CNTNAP2: variants seen among roughly 807,000 people sequenced by gnomAD.
CNTNAP2 encodes the protein contactin associated protein 2.
CNTNAP2 carries 98 observed loss-of-function variants against 155.2 expected under a neutral mutation model. That is an observed-to-expected ratio of 0.63 (90% CI 0.54 to 0.75). CNTNAP2 has a LOEUF of 0.75. CNTNAP2 is among the 30% of genes least tolerant of loss of function. The pLI, the probability that CNTNAP2 is intolerant of heterozygous loss-of-function variation, is 0.00. For missense variants in CNTNAP2, 1,727 were observed against 1,688.1 expected, an observed-to-expected ratio of 1.02 and a Z score of -0.40; for synonymous variants, 651 against 631.2, an observed-to-expected ratio of 1.03 and a Z score of -0.47.
intron 1 of CNTNAP2, among the ~76,000 whole-genome samples, chr7:146,181,529 A>T (rs545390442): frequency 6.6e-6 from 1 of 152,148 alleles, no homozygotes; most frequent in African/African-American, 2.4e-5. Flanking sequence ...GTGCCACTTG[A>T]TAATACATTT....
chr7:147,473,563 T>C (rs1432769698), intron 10 of CNTNAP2, among the ~76,000 whole-genome samples: 1 of 152,038 alleles, frequency 6.6e-6, no homozygotes, highest in Non-Finnish European at 1.5e-5. Flanking sequence ...ATACCTTTGG[T>C]TTAATTTATT....
intron 8 of CNTNAP2, among the ~76,000 whole-genome samples, chr7:147,164,015 T>C (rs1313433023): frequency 2.0e-5 from 3 of 152,220 alleles, no homozygotes; most frequent in African/African-American, 7.2e-5. Flanking sequence ...ATATTGACTT[T>C]TTTGGTAGCA....
rs559660743 is a variant in CNTNAP2 at position 147,311,016 on chromosome 7, T to C, written c.1498+10726T>C. Among the ~76,000 whole-genome samples the C allele has an allele frequency of 1.3e-3, 200 of 152,206 alleles. 1 individual carries two copies. The highest frequency in any genetic ancestry group is 2.6e-3 in the Admixed American group (40 of 15,282). On this transcript the variant is annotated intron_variant, in intron 9 of 23. Transcript: ENST00000361727. The stretch of plus-strand genomic sequence containing the variant: ...AACAGGCTAGAGTGATCAGACATCA[T>C]CTGTGGGGTGGTGCAGGAGGAACGT...
chr7:146,135,576 A>G (rs1037046730), intron 1 of CNTNAP2, among the ~76,000 whole-genome samples: 2 of 152,120 alleles, frequency 1.3e-5, no homozygotes, highest in Non-Finnish European at 2.9e-5. Context: ...TGAAGTTTAA[A>G]TAATATTATA....
chr7:147,956,627 G>A (rs768765688), intron 14 of CNTNAP2, among the ~76,000 whole-genome samples: 10 of 152,182 alleles, frequency 6.6e-5, no homozygotes, highest in Non-Finnish European at 1.0e-4. Context: ...ACCATGGACC[G>A]CAGGATTCTC....
chr7:147,333,034 C>G (rs1795600467), intron 9 of CNTNAP2, among the ~76,000 whole-genome samples: 2 of 152,080 alleles, frequency 1.3e-5, no homozygotes, highest in Non-Finnish European at 2.9e-5. Context: ...TGTGAATGTG[C>G]AAGGGACACA....
At chr7:148,309,898 G>T (rs773640130) in intron 21 of CNTNAP2, among the ~76,000 whole-genome samples, 14 of 152,052 alleles carry the variant, frequency 9.2e-5, no homozygotes, top group Admixed American at 5.2e-4. Context: ...CAAAAATTTT[G>T]GGGGGTGGTA....
intron 1 of CNTNAP2, among the ~76,000 whole-genome samples, chr7:146,402,516 T>C (rs755255080): frequency 3.8e-4 from 58 of 152,248 alleles, no homozygotes; most frequent in South Asian, 6.2e-4. Context: ...GACGAACTTA[T>C]GTTACAAAAG....
At chr7:147,873,430 T>A (rs1799363203) in intron 13 of CNTNAP2, among the ~76,000 whole-genome samples, 6 of 152,278 alleles carry the variant, frequency 3.9e-5, no homozygotes, top group East Asian at 1.9e-4. Flanking sequence ...GGCAAAGGCA[T>A]GTCTTACATG....
At chr7:147,334,697 C>A (rs1795636111) in intron 9 of CNTNAP2, among the ~76,000 whole-genome samples, 1 of 152,114 alleles carries the variant, frequency 6.6e-6, no homozygotes, top group African/African-American at 2.4e-5. Flanking sequence ...GTAGATAACC[C>A]TCTCTGCAGT....
intron 9 of CNTNAP2, among the ~76,000 whole-genome samples, chr7:147,318,873 A>G (rs1415028408): frequency 1.3e-5 from 2 of 152,156 alleles, no homozygotes; most frequent in Admixed American, 6.5e-5. Flanking sequence ...AAAACAGGAG[A>G]AAAATGTTTA....
intron 20 of CNTNAP2, among the ~76,000 whole-genome samples, chr7:148,258,240 G>A (rs1796491658): frequency 2.0e-5 from 3 of 152,194 alleles, no homozygotes; most frequent in Non-Finnish European, 1.5e-5. Flanking sequence ...AGTGGTAACT[G>A]AGGCAGCGTC....
At chr7:147,059,026 G>A (rs1177552485) in intron 4 of CNTNAP2, among the ~76,000 whole-genome samples, 2 of 152,142 alleles carry the variant, frequency 1.3e-5, no homozygotes, top group African/African-American at 4.8e-5. Context: ...CCTTGGTGAT[G>A]TGCTTAGCAA....
At chr7:147,939,152 T>G (rs1800669152) in intron 14 of CNTNAP2, among the ~76,000 whole-genome samples, 3 of 152,108 alleles carry the variant, frequency 2.0e-5, no homozygotes, top group Admixed American at 1.3e-4. Context: ...TAAAAAGATG[T>G]TCGCATAAAC....
chr7:147,673,940 C>T (rs1795827895), intron 13 of CNTNAP2, among the ~76,000 whole-genome samples: 1 of 151,956 alleles, frequency 6.6e-6, no homozygotes, highest in Non-Finnish European at 1.5e-5. Context: ...AAAATTCAAG[C>T]TTTATAAGAA....
chr7:146,385,948 T>C (rs912312237), intron 1 of CNTNAP2, among the ~76,000 whole-genome samples: 1 of 152,188 alleles, frequency 6.6e-6, no homozygotes, highest in Admixed American at 6.5e-5. Flanking sequence ...ATTTTTATTT[T>C]CATAAGCATA....
At chr7:148,045,374 C>T (rs1237103946) in intron 15 of CNTNAP2, among the ~76,000 whole-genome samples, 2 of 152,166 alleles carry the variant, frequency 1.3e-5, no homozygotes, top group Non-Finnish European at 2.9e-5. Context: ...CATGGAGCCA[C>T]ACTGTGCCTG....
chr7:148,078,043 A>G (rs910946459), intron 15 of CNTNAP2, among the ~76,000 whole-genome samples: 1 of 152,062 alleles, frequency 6.6e-6, no homozygotes, highest in Non-Finnish European at 1.5e-5. Flanking sequence ...TAAAAAGATT[A>G]ATGTACCCAA....
chr7:147,532,042 T>C (rs540806108), intron 11 of CNTNAP2, among the ~76,000 whole-genome samples: 34 of 152,074 alleles, frequency 2.2e-4, no homozygotes, highest in African/African-American at 7.7e-4. Context: ...CTCCTGACCT[T>C]GTGATCTGCC....
Sources: allele counts gnomAD v4.1 joint callset (sites outside exome capture counted in the v4.1 genomes callset), GRCh38; gene constraint gnomAD v4.1.1; transcripts MANE v1.5; gene names NCBI Gene and HGNC (gene_info 2026-07-23, HGNC 2026-07-21).